Variants in FAF1 observed in about 807,000 individuals in gnomAD.
FAF1 encodes FAS-associated factor 1.
In FAF1, 25 loss-of-function variants were observed where a neutral mutation model predicts 92.5. The ratio of observed to expected loss-of-function variants is 0.27; its 90% CI spans 0.20 to 0.38. The LOEUF is 0.38. FAF1 is among the 10% of genes least tolerant of loss of function. The probability of loss-of-function intolerance (pLI) is 1.00; values close to 1 mark genes in which losing one functional copy is unlikely to be tolerated. For missense variants in FAF1, 636 were observed against 793.3 expected, an observed-to-expected ratio of 0.80 and a Z score of 2.38; for synonymous variants, 234 against 273.2, an observed-to-expected ratio of 0.86 and a Z score of 1.42.
intron 8 of FAF1, among the ~76,000 whole-genome samples, chr1:50,637,681 A>ATATGTGTGTGTG (rs1553123409): frequency 0.023 from 3,120 of 137,080 alleles, 55 homozygotes; most frequent in Middle Eastern, 0.03. Context: ...ACATATATAT[A>ATATGTGTGTGTG]TGTGTGTGTG....
Position 50,950,951 on chromosome 1 carries a change from CCAGG to C in FAF1, c.45+8812_45+8815del, listed in dbSNP as rs1221975407. 2.6e-5 allele frequency among the ~76,000 whole-genome samples: 4 copies of C among 152,354 alleles called. No homozygotes were observed. The East Asian group carries it at 5.8e-4, about 22-fold the overall frequency. ...TACCTGGATAAAATATTTGTTTCAGCCAGGCAAAGTGACTCATGCCTGAAATCCC... is the reference window on the plus strand; with the variant it reads ...TACCTGGATAAAATATTTGTTTCAGCCAAAGTGACTCATGCCTGAAATCCC... On this transcript the variant is annotated intron_variant, in intron 1 of 18. Transcript: ENST00000396153.
At chr1:50,642,662 A>C (rs534199224) in intron 8 of FAF1, among the ~76,000 whole-genome samples, 16 of 152,130 alleles carry the variant, frequency 1.1e-4, no homozygotes, top group Admixed American at 5.9e-4. Context: ...AATAATAATA[A>C]TAAAATAAAA....
intron 1 of FAF1, among the ~76,000 whole-genome samples, chr1:50,866,069 C>T (rs895324670): frequency 3.9e-5 from 6 of 152,034 alleles, no homozygotes; most frequent in Non-Finnish European, 7.4e-5. Flanking sequence ...AAATGTGATA[C>T]ACCACATAAA....
At chr1:50,917,603 A>G (rs571959152) in intron 1 of FAF1, among the ~76,000 whole-genome samples, 25 of 141,842 alleles carry the variant, frequency 1.8e-4, no homozygotes, top group African/African-American at 2.6e-4. Flanking sequence ...GAAAGGAAAA[A>G]GGAAAGGAAA....
At chr1:50,746,003 G>C (rs1659570736) in intron 4 of FAF1, among the ~76,000 whole-genome samples, 2 of 151,860 alleles carry the variant, frequency 1.3e-5, no homozygotes, top group Admixed American at 1.3e-4. Flanking sequence ...AGGCTGAGGA[G>C]AGCTCAGATG....
chr1:50,571,500 T>C (rs1263589337), intron 12 of FAF1, among the ~76,000 whole-genome samples: 1 of 152,212 alleles, frequency 6.6e-6, no homozygotes, highest in Non-Finnish European at 1.5e-5. Context: ...GCTGTTAGGA[T>C]GAAGATTCCT....
At chr1:50,808,466 G>A (rs1294417259) in intron 2 of FAF1, among the ~76,000 whole-genome samples, 2 of 152,052 alleles carry the variant, frequency 1.3e-5, no homozygotes, top group Non-Finnish European at 2.9e-5. Context: ...AGACTGGCAA[G>A]TTGGATAAGG....
intron 8 of FAF1, among the ~76,000 whole-genome samples, chr1:50,618,495 T>G (rs1433172187): frequency 2.1e-5 from 3 of 141,986 alleles, no homozygotes; most frequent in Non-Finnish European, 4.6e-5. Context: ...ACTCCTGACC[T>G]CAGGTGATCA....
chr1:50,949,480 C>T (rs1645197156), intron 1 of FAF1, among the ~76,000 whole-genome samples: 1 of 152,164 alleles, frequency 6.6e-6, no homozygotes, highest in African/African-American at 2.4e-5. Flanking sequence ...CCCAATGTCC[C>T]CTGGGGGACA....
chr1:50,875,736 C>G (rs1570087659), intron 1 of FAF1, among the ~76,000 whole-genome samples: 1 of 152,162 alleles, frequency 6.6e-6, no homozygotes, highest in African/African-American at 2.4e-5. Flanking sequence ...CAGGTGTGGG[C>G]CACTGCACCC....
chr1:50,729,350 C>T lies in FAF1; in HGVS notation c.551+9513G>A, dbSNP rs113307988. 5.4e-5 allele frequency among the ~76,000 whole-genome samples: 8 copies of T among 146,798 alleles called. No individual in the cohort carries two copies. In the South Asian group the frequency reaches 6.6e-4, roughly 12 times the overall value. ...GATTACAGGTGTGAGCCACCACGCCCGGCCTATCTACTCATTTTTATTATC... is the reference window on the plus strand; with the variant it reads ...GATTACAGGTGTGAGCCACCACGCCTGGCCTATCTACTCATTTTTATTATC... On this transcript the variant is annotated intron_variant, in intron 6 of 18. Coordinates refer to ENST00000396153, the MANE Select transcript of FAF1 (RefSeq NM_007051.3).
chr1:50,488,835 C>T (rs930768650), intron 17 of FAF1, among the ~76,000 whole-genome samples: 3 of 152,154 alleles, frequency 2.0e-5, no homozygotes, highest in African/African-American at 4.8e-5. Context: ...AAGCAGCTAG[C>T]AAACTATTTA....
chr1:50,442,417 T>C (rs1646179473), intron 18 of FAF1, among the ~76,000 whole-genome samples: 1 of 152,248 alleles, frequency 6.6e-6, no homozygotes, highest in Admixed American at 6.5e-5. Flanking sequence ...GTATCAATCT[T>C]GCAGGACTCA....
chr1:50,630,296 ATTT>A (rs1653713071), intron 8 of FAF1, among the ~76,000 whole-genome samples: 1 of 152,196 alleles, frequency 6.6e-6, no homozygotes, highest in Admixed American at 6.5e-5. Context: ...TCAAAAAGCG[ATTT>A]TAGTGCTCAC....
rs12067443 is a variant in FAF1, at chr1:50,490,679, A to G, written c.1576-14T>C. ...GTGAGCTTCCCTCTGTTGATAAAAC[A>G]GAAAAGGAACAAGCACTTAACACAT... On this transcript the variant is annotated splice_polypyrimidine_tract_variant and intron_variant, in intron 16 of 18. Transcript: ENST00000396153. The G allele has an allele frequency of 4.2e-4, 658 of 1,556,318 alleles. 5 individuals carry two copies. The African/African-American group carries it at 8.1e-3, about 19-fold the overall frequency.
chr1:50,913,687 G>A (rs1474635999), intron 1 of FAF1, among the ~76,000 whole-genome samples: 1 of 151,938 alleles, frequency 6.6e-6, no homozygotes, highest in African/African-American at 2.4e-5. Flanking sequence ...TTATATTGGG[G>A]GAAAAAATGA....
intron 6 of FAF1, among the ~76,000 whole-genome samples, chr1:50,728,978 G>A (rs1406701687): frequency 6.8e-6 from 1 of 147,116 alleles, no homozygotes; most frequent in Admixed American, 6.8e-5. Flanking sequence ...TAAATAGTAA[G>A]GCTGAGAGAA....
chr1:50,790,679 A>G (rs904161215), intron 3 of FAF1, among the ~76,000 whole-genome samples: 4 of 152,002 alleles, frequency 2.6e-5, no homozygotes, highest in Non-Finnish European at 4.4e-5. Context: ...TATTGTATGT[A>G]TCTTCCACGA....
intron 1 of FAF1, among the ~76,000 whole-genome samples, chr1:50,907,026 T>C (rs1256521220): frequency 1.3e-5 from 2 of 152,212 alleles, no homozygotes; most frequent in South Asian, 2.1e-4. Context: ...TTGTCATAAA[T>C]AGCTCTTATT....
Sources: gnomAD v4.1 joint callset for allele counts (sites outside exome capture counted in the v4.1 genomes callset) on GRCh38, gnomAD v4.1.1 for gene constraint, MANE v1.5 for transcripts, NCBI Gene and HGNC (gene_info 2026-07-23, HGNC 2026-07-21) for gene names.